Variants in NOX4 observed in about 807,000 individuals in gnomAD.
The protein encoded by NOX4 is kidney oxidase-1.
A neutral mutation model predicts 87.6 loss-of-function variants in NOX4; 69 were observed. The ratio of observed to expected loss-of-function variants is 0.79; its 90% CI spans 0.65 to 0.96. NOX4 has a LOEUF of 0.96. Among genes scored for constraint, NOX4 ranks in the 40% least tolerant of loss-of-function variants. The pLI, the probability that NOX4 is intolerant of heterozygous loss-of-function variation, is 0.00. For synonymous variants in NOX4, 275 were observed against 238.2 expected (o/e 1.15, Z -1.42); for missense variants, 680 against 681.5 (o/e 1.00, Z 0.02).
At chr11:89,522,901 G>A in the NOX4 span, among the ~76,000 whole-genome samples, 1 of 152,048 alleles carries the variant, frequency 6.6e-6, no homozygotes, top group Non-Finnish European at 1.5e-5. Flanking sequence ...TAGGACTCAC[G>A]GTAGAGAGGT....
intron 12 of NOX4, among the ~76,000 whole-genome samples, chr11:89,359,833 A>G (rs1393874161): frequency 6.6e-6 from 1 of 152,084 alleles, no homozygotes; most frequent in Non-Finnish European, 1.5e-5. Context: ...CATATAAAAT[A>G]TTTCTAAGAG....
chr11:89,438,895 T>C (rs1274650531), intron 6 of NOX4, among the ~76,000 whole-genome samples: 1 of 25,958 alleles, frequency 3.9e-5, no homozygotes, highest in Non-Finnish European at 6.4e-5. Flanking sequence ...ATATTATATA[T>C]TATATATATA....
intron 7 of NOX4, among the ~76,000 whole-genome samples, chr11:89,428,560 C>T (rs1331719754): frequency 6.6e-6 from 1 of 151,888 alleles, no homozygotes; most frequent in Admixed American, 6.6e-5. Context: ...GCAGGGGTTG[C>T]AATCCTAGTC....
chr11:89,483,457 G>C (rs1946472466), intron 2 of NOX4, among the ~76,000 whole-genome samples: 1 of 152,048 alleles, frequency 6.6e-6, no homozygotes, highest in South Asian at 2.1e-4. Context: ...AACATGAAAG[G>C]AGACCTGAAG....
intron 17 of NOX4, among the ~76,000 whole-genome samples, chr11:89,331,491 T>C (rs548299265): frequency 6.6e-6 from 1 of 151,912 alleles, no homozygotes; most frequent in South Asian, 2.1e-4. Flanking sequence ...TAAATGATGT[T>C]ATACTTAATA....
intron 2 of NOX4, among the ~76,000 whole-genome samples, chr11:89,454,306 A>G (rs1439825029): frequency 6.6e-6 from 1 of 152,114 alleles, no homozygotes; most frequent in East Asian, 1.9e-4. Context: ...ACTTTTGAAT[A>G]TATTTTTAAT....
chr11:89,365,327 C>T (rs1042791292), intron 12 of NOX4, among the ~76,000 whole-genome samples: 1 of 151,928 alleles, frequency 6.6e-6, no homozygotes, highest in Non-Finnish European at 1.5e-5. Flanking sequence ...TTTGAAAGAA[C>T]TACAGACAGA....
chr11:89,383,841 A>T (rs76021220), intron 11 of NOX4, among the ~76,000 whole-genome samples: 2 of 152,064 alleles, frequency 1.3e-5, no homozygotes, highest in African/African-American at 2.4e-5. Flanking sequence ...CCTCCTTTAC[A>T]TCCTCCCCTT....
At position 89,355,012 on chromosome 11, in the gene NOX4, A is replaced by C. The variant is rs1177024542; in HGVS notation, c.1167T>G (p.Ser389=). The change falls in exon 13 of 18, where the codon TCT becomes TCG. Residue 389 remains serine (S), a synonymous_variant. Transcript: ENST00000263317. ...ERFRDLLLPP[S]SQDSEILPFI... is the part of the protein sequence containing the mutation. ...AGGGCAGAATTTCGGAGTCTTGACT[A>C]GATGGAGGCAGTAGTAAATCTCGAA... 6.2e-7 allele frequency: 1 copy of C among 1,603,282 alleles called. No homozygotes were observed. Among genetic ancestry groups the C allele is most frequent in the African/African-American group, 1.3e-5 (1 of 74,652 alleles).
At chr11:89,494,271 TC>T (rs1946923426), upstream of NOX4, among the ~76,000 whole-genome samples, 1 of 152,240 alleles carries the variant, frequency 6.6e-6, no homozygotes, top group African/African-American at 2.4e-5. Flanking sequence ...ATAACACTGA[TC>T]TTCCTATGTT....
At chr11:89,432,750 G>A (rs1395414736) in intron 7 of NOX4, 34 bp downstream of exon 7, 7 of 1,442,780 alleles carry the variant, frequency 4.9e-6, no homozygotes, top group Non-Finnish European at 5.8e-6. Flanking sequence ...TAACCTGACA[G>A]ATACACATCA....
chr11:89,470,411 T>C (rs1591335249), intron 2 of NOX4, among the ~76,000 whole-genome samples: 2 of 152,188 alleles, frequency 1.3e-5, no homozygotes, highest in Non-Finnish European at 2.9e-5. Flanking sequence ...ATGTGTTCTA[T>C]AAATATATGG....
intron 6 of NOX4, among the ~76,000 whole-genome samples, chr11:89,435,362 G>A (rs994127203): frequency 6.6e-6 from 1 of 151,980 alleles, no homozygotes; most frequent in African/African-American, 2.4e-5. Flanking sequence ...GCCAAAATTA[G>A]TCATGGGATG....
chr11:89,367,196 G>C (rs1939071594), intron 12 of NOX4, among the ~76,000 whole-genome samples: 1 of 152,098 alleles, frequency 6.6e-6, no homozygotes, highest in Admixed American at 6.6e-5. Flanking sequence ...TATACTTTAA[G>C]ATACAATAGG....
chr11:89,349,211 C>T (rs547548437), intron 13 of NOX4, among the ~76,000 whole-genome samples: 39 of 151,968 alleles, frequency 2.6e-4, no homozygotes, highest in African/African-American at 9.2e-4. Flanking sequence ...TGCTTGAACC[C>T]GGGAGGCAGA....
intron 6 of NOX4, among the ~76,000 whole-genome samples, chr11:89,440,352 C>T (rs1458497044): frequency 6.6e-6 from 1 of 151,996 alleles, no homozygotes; most frequent in Non-Finnish European, 1.5e-5. Context: ...GAGTCTTACT[C>T]TGTCACGCCC....
upstream of NOX4, among the ~76,000 whole-genome samples, chr11:89,501,980 G>A (rs1187940252): frequency 6.6e-6 from 1 of 152,074 alleles, no homozygotes; most frequent in Non-Finnish European, 1.5e-5. Flanking sequence ...GACAAAGGAA[G>A]ATATGTAACT....
rs539554404 is a variant in NOX4 at position 89,402,823 on chromosome 11, A to G, written c.630-281T>C. Among the ~76,000 whole-genome samples the G allele has an allele frequency of 2.6e-3, 391 of 152,282 alleles. 1 individual carries two copies. The highest frequency in any genetic ancestry group is 8.9e-3 in the African/African-American group (371 of 41,580). ...AATACATGCAATCTCTCCAGGCATT[A>G]TTGAATTTGATGGCCTTTACTTCAA... On this transcript the variant is annotated intron_variant, in intron 8 of 17. Transcript: ENST00000263317.
intron 12 of NOX4, among the ~76,000 whole-genome samples, chr11:89,371,480 G>GA (rs1300997212): frequency 6.6e-6 from 1 of 151,868 alleles, no homozygotes; most frequent in Non-Finnish European, 1.5e-5. Flanking sequence ...ATAACTTTGT[G>GA]AAAAAACTCA....
Sources: gnomAD v4.1 joint callset for allele counts (sites outside exome capture counted in the v4.1 genomes callset) on GRCh38, gnomAD v4.1.1 for gene constraint, MANE v1.5 for transcripts, NCBI Gene and HGNC (gene_info 2026-07-23, HGNC 2026-07-21) for gene names.